BRINP3: variants seen among roughly 807,000 people sequenced by gnomAD.
BRINP3 encodes the protein BMP/retinoic acid-inducible neural-specific protein 3.
BRINP3 carries 19 observed loss-of-function variants against 71.0 expected under a neutral mutation model. The observed-to-expected ratio is 0.27, with a 90% CI of 0.19 to 0.39. The LOEUF is 0.39. Among genes scored for constraint, BRINP3 ranks in the 10% least tolerant of loss-of-function variants. BRINP3 has a pLI of 1.00. For missense variants in BRINP3, 959 were observed against 940.8 expected (o/e 1.02, Z -0.25); for synonymous variants, 380 against 337.7 (o/e 1.13, Z -1.37).
intron 2 of BRINP3, among the ~76,000 whole-genome samples, chr1:190,328,308 A>G (rs1221836457): frequency 1.3e-5 from 2 of 152,132 alleles, no homozygotes; most frequent in Admixed American, 6.6e-5. Flanking sequence ...ACAGACCACA[A>G]GCTAGATTAG....
rs370732503 is a variant in BRINP3, at chr1:190,165,090, C to T, written c.962-4200G>A. On this transcript the variant is annotated intron_variant, in intron 6 of 7. Transcript: ENST00000367462. ...TGATAGAAAAATACATAATATCTAA[C>T]GAAATACATAAAGGATGATCACAGG... Among the ~76,000 whole-genome samples, 74 of 150,674 alleles carry T rather than the reference C, an allele frequency of 4.9e-4. No homozygotes were observed. In the South Asian group the frequency reaches 7.0e-3, roughly 14 times the overall value.
Position 190,370,572 on chromosome 1 carries a change from C to G in BRINP3, c.236+84083G>C, listed in dbSNP as rs138623905. Among the ~76,000 whole-genome samples, 870 of 152,188 alleles carry G rather than the reference C, an allele frequency of 5.7e-3. 6 individuals carry two copies. Among genetic ancestry groups the G allele is most frequent in the African/African-American group, 0.019 (784 of 41,530 alleles). On this transcript the variant is annotated intron_variant, in intron 2 of 7. Transcript: ENST00000367462. ...TACATTTGAATCTTTATAAAGGCAC[C>G]ACAAATCAAAATTGTATTTAAAAAT...
At chr1:190,417,279 A>G (rs12062310) in intron 2 of BRINP3, among the ~76,000 whole-genome samples, 2,218 of 152,284 alleles carry the variant, frequency 0.015, 53 homozygotes, top group African/African-American at 0.05. Context: ...GAAGGCAGAG[A>G]AATAAAATTA....
chr1:190,381,671 AAAT>A (rs942171105), intron 2 of BRINP3, among the ~76,000 whole-genome samples: 1 of 152,126 alleles, frequency 6.6e-6, no homozygotes, highest in Non-Finnish European at 1.5e-5. Flanking sequence ...ATTAAATATC[AAAT>A]AATAATAATG....
chr1:190,130,285 C>T (rs991363285), intron 7 of BRINP3, among the ~76,000 whole-genome samples: 1 of 151,952 alleles, frequency 6.6e-6, no homozygotes, highest in Admixed American at 6.6e-5. Flanking sequence ...CAGGAGTCTA[C>T]GTTTGGGCCA....
chr1:190,353,143 T>C (rs1489204173), intron 2 of BRINP3, among the ~76,000 whole-genome samples: 1 of 152,204 alleles, frequency 6.6e-6, no homozygotes, highest in African/African-American at 2.4e-5. Context: ...ATCTATTTCA[T>C]GTTTTACATA....
At chr1:190,267,788 T>C (rs1661783569) in intron 3 of BRINP3, among the ~76,000 whole-genome samples, 2 of 152,142 alleles carry the variant, frequency 1.3e-5, no homozygotes, top group Admixed American at 6.5e-5. Context: ...CTAAACCATA[T>C]TGCAAATAAG....
rs1007104483 is a variant in BRINP3 at position 190,383,749 on chromosome 1, T to C, written c.236+70906A>G. Among the ~76,000 whole-genome samples, 3 of 152,004 alleles carry C rather than the reference T, an allele frequency of 2.0e-5. No individual in the cohort carries two copies. The East Asian group carries it at 5.8e-4, about 29-fold the overall frequency. ...ACTAATTTCAGAGGATTATATGATGTAATAATGTTTGTGAAAAAACACTTC... is the reference window on the plus strand; with the variant it reads ...ACTAATTTCAGAGGATTATATGATGCAATAATGTTTGTGAAAAAACACTTC... On this transcript the variant is annotated intron_variant, in intron 2 of 7. Coordinates refer to ENST00000367462, the MANE Select transcript of BRINP3 (RefSeq NM_199051.3).
At chr1:190,177,329 A>ATTTTTTTTTTTT (rs11307442) in intron 6 of BRINP3, among the ~76,000 whole-genome samples, 12 of 98,690 alleles carry the variant, frequency 1.2e-4, no homozygotes, top group Non-Finnish European at 1.3e-4. Context: ...TGCCTGGATA[A>ATTTTTTTTTTTT]TTTTTTTTTT....
At chr1:190,455,437 A>G (rs1376515348) in intron 1 of BRINP3, among the ~76,000 whole-genome samples, 1 of 152,126 alleles carries the variant, frequency 6.6e-6, no homozygotes, top group Non-Finnish European at 1.5e-5. Context: ...ATTTAAGAAT[A>G]CATAAATATA....
At chr1:190,151,217 A>T (rs1258085137) in intron 7 of BRINP3, among the ~76,000 whole-genome samples, 1 of 152,194 alleles carries the variant, frequency 6.6e-6, no homozygotes, top group Non-Finnish European at 1.5e-5. Flanking sequence ...GCATCCACTT[A>T]TTCAAAAACA....
chr1:190,261,526 G>T (rs1386303566), intron 4 of BRINP3, among the ~76,000 whole-genome samples: 1 of 152,024 alleles, frequency 6.6e-6, no homozygotes, highest in Non-Finnish European at 1.5e-5. Context: ...CTGGCTCATA[G>T]TTAAATTGCT....
chr1:190,315,489 T>C (rs1045204003), intron 2 of BRINP3, among the ~76,000 whole-genome samples: 5 of 152,146 alleles, frequency 3.3e-5, no homozygotes, highest in African/African-American at 1.2e-4. Context: ...CAAAGCCTAA[T>C]CAAGAGACAT....
rs895010617 is a variant in BRINP3 at position 190,277,782 on chromosome 1, G to A, written c.427+3778C>T. 5.9e-5 allele frequency among the ~76,000 whole-genome samples: 9 copies of A among 151,666 alleles called. No homozygotes were observed. In the Admixed American group the frequency reaches 5.9e-4, roughly 10 times the overall value. ...CATAGCTAGAAATCAATATTTCCCA[G>A]AAGTGCAGTCTTTTTCAAGATTGAT... On this transcript the variant is annotated intron_variant, in intron 3 of 7. Coordinates refer to ENST00000367462, the MANE Select transcript of BRINP3 (RefSeq NM_199051.3).
intron 2 of BRINP3, among the ~76,000 whole-genome samples, chr1:190,449,305 T>C (rs1675445228): frequency 6.6e-6 from 1 of 151,982 alleles, no homozygotes; most frequent in South Asian, 2.1e-4. Context: ...GGTCTTCTGT[T>C]TCTAGAGATA....
At chr1:190,409,314 C>T (rs567172576) in intron 2 of BRINP3, among the ~76,000 whole-genome samples, 1 of 152,202 alleles carries the variant, frequency 6.6e-6, no homozygotes, top group South Asian at 2.1e-4. Context: ...ATTTAGTATA[C>T]TGCCTTTAAA....
At chr1:190,477,360 T>C (rs528793327) in intron 1 of BRINP3, 88 bp downstream of exon 1, 1 of 151,942 alleles carries the variant, frequency 6.6e-6, no homozygotes, top group African/African-American at 2.4e-5. Flanking sequence ...GTAACAAAAA[T>C]GTGAAAAATG....
intron 2 of BRINP3, among the ~76,000 whole-genome samples, chr1:190,378,547 G>T (rs547653956): frequency 6.6e-6 from 1 of 152,290 alleles, no homozygotes; most frequent in East Asian, 1.9e-4. Context: ...TTTCAGACCA[G>T]AATAACATAT....
At chr1:190,137,214 C>A (rs1296603986) in intron 7 of BRINP3, among the ~76,000 whole-genome samples, 1 of 151,802 alleles carries the variant, frequency 6.6e-6, no homozygotes, top group East Asian at 1.9e-4. Context: ...ATTTTGAAGG[C>A]CCAAGGCAAT....
Sources: allele counts gnomAD v4.1 joint callset (sites outside exome capture counted in the v4.1 genomes callset), GRCh38; gene constraint gnomAD v4.1.1; transcripts MANE v1.5; gene names NCBI Gene and HGNC (gene_info 2026-07-23, HGNC 2026-07-21).